CLDN16: variants seen among roughly 807,000 people sequenced by gnomAD.
CLDN16 encodes claudin-16.
In CLDN16, 13 loss-of-function variants were observed where a neutral mutation model predicts 24.6. The ratio of observed to expected loss-of-function variants is 0.53; its 90% CI spans 0.34 to 0.84. The LOEUF (loss-of-function observed/expected upper bound fraction) is 0.84, where lower values mean the gene tolerates loss of function less well. CLDN16 is among the 40% of genes least tolerant of loss of function. The probability of loss-of-function intolerance (pLI) is 0.01; values close to 1 mark genes in which losing one functional copy is unlikely to be tolerated. For missense variants in CLDN16, 298 were observed against 292.7 expected, an observed-to-expected ratio of 1.02 and a Z score of -0.13; for synonymous variants, 116 against 106.7, an observed-to-expected ratio of 1.09 and a Z score of -0.54.
intron 1 of CLDN16, among the ~76,000 whole-genome samples, chr3:190,323,003 T>TACACACACACACACACACACACACACAC (rs147722582): frequency 2.2e-4 from 32 of 144,604 alleles, no homozygotes; most frequent in South Asian, 9.2e-4. Flanking sequence ...CAACATGATT[T>TACACACACACACACACACACACACACAC]ACACACACAC....
intron 1 of CLDN16, among the ~76,000 whole-genome samples, chr3:190,329,179 G>T (rs1717131725): frequency 6.6e-6 from 1 of 152,164 alleles, no homozygotes; most frequent in Non-Finnish European, 1.5e-5. Context: ...AAGCTGAATA[G>T]TTTAGGGATG....
the CLDN16 span, among the ~76,000 whole-genome samples, chr3:190,311,266 C>T: frequency 6.6e-6 from 1 of 152,216 alleles, no homozygotes; most frequent in African/African-American, 2.4e-5. Flanking sequence ...TCATCCTCAT[C>T]GTCTTCCAAG....
intron 1 of CLDN16, among the ~76,000 whole-genome samples, chr3:190,349,456 AC>A (rs752783860): frequency 2.6e-5 from 4 of 152,116 alleles, no homozygotes; most frequent in Non-Finnish European, 5.9e-5. Flanking sequence ...TTTATAAATT[AC>A]CCAGGCTCAG....
upstream of CLDN16, among the ~76,000 whole-genome samples, chr3:190,317,775 T>C (rs1716810061): frequency 6.6e-6 from 1 of 152,218 alleles, no homozygotes; most frequent in African/African-American, 2.4e-5. Context: ...CCTCCCTACA[T>C]GCAGGCTTTG....
At chr3:190,303,588 G>A in the CLDN16 span, among the ~76,000 whole-genome samples, 1 of 151,948 alleles carries the variant, frequency 6.6e-6, no homozygotes, top group African/African-American at 2.4e-5. Context: ...TCACAGAAAT[G>A]CTATTCAATT....
At chr3:190,297,200 A>G in the CLDN16 span, among the ~76,000 whole-genome samples, 1 of 152,008 alleles carries the variant, frequency 6.6e-6, no homozygotes, top group Admixed American at 6.6e-5. Flanking sequence ...CTAAAATAGC[A>G]AAGTGGCTGC....
chr3:190,318,695 A>T (rs1479454300), upstream of CLDN16, among the ~76,000 whole-genome samples: 1 of 152,232 alleles, frequency 6.6e-6, no homozygotes, highest in Non-Finnish European at 1.5e-5. Context: ...GAACTAATTT[A>T]TGAAGTATAT....
chr3:190,311,276 GCACTTCATA>G, the CLDN16 span, among the ~76,000 whole-genome samples: 1 of 152,166 alleles, frequency 6.6e-6, no homozygotes, highest in African/African-American at 2.4e-5. Context: ...CGTCTTCCAA[GCACTTCATA>G]CACTTCATGC....
intron 1 of CLDN16, among the ~76,000 whole-genome samples, chr3:190,396,445 A>G (rs1718819119): frequency 6.6e-6 from 1 of 152,308 alleles, no homozygotes; most frequent in South Asian, 2.1e-4. Flanking sequence ...TTCTGCTCCA[A>G]ACTTCCAATG....
At position 190,410,113 on chromosome 3, in the gene CLDN16, C is replaced by T; in HGVS notation, c.*77C>T. The T allele has an allele frequency of 6.8e-7, 1 of 1,473,478 alleles. No individual in the cohort carries two copies. The highest frequency in any genetic ancestry group is 9.5e-7 in the Non-Finnish European group (1 of 1,052,166). 91.3% of individuals were successfully genotyped at this position (1,473,478 alleles called of 1,614,324 possible). A position where few individuals can be genotyped will look rare whatever the true frequency, so the allele number is the denominator to read the frequency against. ...ACATTGATAAAATAGTAAGTCAATC[C>T]AGGAACAGTTATTTAGAATTCATAT... On this transcript the variant is annotated 3_prime_UTR_variant, in exon 5 of 5. Transcript: ENST00000264734.
At chr3:190,364,972 A>T (rs1334167020) in intron 1 of CLDN16, among the ~76,000 whole-genome samples, 1 of 151,458 alleles carries the variant, frequency 6.6e-6, no homozygotes, top group Non-Finnish European at 1.5e-5. Flanking sequence ...GTCAATGGAT[A>T]CTTGTTTTGA....
At chr3:190,392,807 A>G (rs911163500) in intron 1 of CLDN16, among the ~76,000 whole-genome samples, 4 of 152,200 alleles carry the variant, frequency 2.6e-5, no homozygotes, top group African/African-American at 9.7e-5. Flanking sequence ...TTTAGAGAAA[A>G]GAATACAGGG....
chr3:190,405,306 C>G (rs1719067908), intron 3 of CLDN16, among the ~76,000 whole-genome samples: 1 of 151,852 alleles, frequency 6.6e-6, no homozygotes, highest in Non-Finnish European at 1.5e-5. Context: ...CACCTGTAGT[C>G]CCAGCTACTC....
At chr3:190,377,802 AAAG>A (rs1718276935) in intron 3 of CLDN16, among the ~76,000 whole-genome samples, 1 of 151,954 alleles carries the variant, frequency 6.6e-6, no homozygotes, top group Non-Finnish European at 1.5e-5. Context: ...CTAAAAGTGT[AAAG>A]AAGGTTTGAG....
upstream of CLDN16, among the ~76,000 whole-genome samples, chr3:190,387,598 A>G (rs1200793096): frequency 6.6e-6 from 1 of 152,174 alleles, no homozygotes; most frequent in African/African-American, 2.4e-5. Context: ...TCAGACCATA[A>G]ATTCAGAGCA....
At chr3:190,409,411 A>G (rs1408139332) in intron 4 of CLDN16, among the ~76,000 whole-genome samples, 1 of 151,896 alleles carries the variant, frequency 6.6e-6, no homozygotes, top group African/African-American at 2.4e-5. Context: ...AGATATACAT[A>G]TAATTGTAAT....
At chr3:190,355,670 A>G (rs1244354133) in intron 1 of CLDN16, among the ~76,000 whole-genome samples, 1 of 151,872 alleles carries the variant, frequency 6.6e-6, no homozygotes, top group Non-Finnish European at 1.5e-5. Context: ...TTATATGAAA[A>G]ATTTCCTTGA....
At chr3:190,398,677 T>A (rs1432632689) in intron 1 of CLDN16, among the ~76,000 whole-genome samples, 2 of 152,198 alleles carry the variant, frequency 1.3e-5, no homozygotes, top group Admixed American at 6.5e-5. Context: ...ACTACTCAAG[T>A]CATTATGATG....
chr3:190,390,993 T>C (rs1212905357), intron 1 of CLDN16, among the ~76,000 whole-genome samples: 1 of 152,048 alleles, frequency 6.6e-6, no homozygotes, highest in Non-Finnish European at 1.5e-5. Context: ...TTCTCTGTTC[T>C]CTAGGCTGGT....
Sources: allele counts gnomAD v4.1 joint callset (sites outside exome capture counted in the v4.1 genomes callset), GRCh38; gene constraint gnomAD v4.1.1; transcripts MANE v1.5; gene names NCBI Gene and HGNC (gene_info 2026-07-23, HGNC 2026-07-21).